The following DISP1 variants were observed in gnomAD, a reference collection of about 807,000 sequenced individuals.
DISP1 encodes dispatched RND transporter family member 1.
In DISP1, 30 loss-of-function variants were observed where a neutral mutation model predicts 37.3. The ratio of observed to expected loss-of-function variants is 0.80; its 90% CI spans 0.60 to 1.09. The LOEUF is 1.09. DISP1 is among the 50% of genes least tolerant of loss of function. The pLI is 0.00. For missense variants in DISP1, 1,598 were observed against 1,879.5 expected (o/e 0.85, Z 2.77); for synonymous variants, 634 against 690.2 (o/e 0.92, Z 1.28).
intron 1 of DISP1, among the ~76,000 whole-genome samples, chr1:222,848,744 A>C (rs1168577034): frequency 1.3e-5 from 2 of 152,194 alleles, no homozygotes; most frequent in Non-Finnish European, 2.9e-5. Context: ...ACAGACATAT[A>C]AATAAATAAA....
At chr1:222,890,048 A>T (rs944249707) in intron 1 of DISP1, among the ~76,000 whole-genome samples, 1 of 152,320 alleles carries the variant, frequency 6.6e-6, no homozygotes, top group Non-Finnish European at 1.5e-5. Context: ...TTTACAAGTG[A>T]TTTTTTAAAG....
At chr1:222,836,816 A>C (rs1667194455) in intron 1 of DISP1, 1 of 317,094 alleles carries the variant, frequency 3.2e-6, no homozygotes, top group Non-Finnish European at 5.7e-6. Context: ...GTGTGGAGAC[A>C]GTATTGGATC....
At chr1:222,829,693 C>G (rs533289624) in intron 1 of DISP1, among the ~76,000 whole-genome samples, 75 of 152,224 alleles carry the variant, frequency 4.9e-4, no homozygotes, top group Admixed American at 8.5e-4. Flanking sequence ...CCACCCACCT[C>G]AGCCTTCCAA....
rs1177850554 is a variant in DISP1, at chr1:223,002,991, A to G, written c.1594A>G (p.Met532Val). 4.3e-6 allele frequency: 7 copies of G among 1,613,874 alleles called. No individual in the cohort carries two copies. The Admixed American group carries it at 5.0e-5, about 12-fold the overall frequency. Residue 532 changes from methionine to valine, a missense_variant, in exon 9 of 9, where the codon ATG becomes GTG. Physicochemically the swap from Met to Val is conservative, Grantham distance 21 (BLOSUM62 1). Transcript: ENST00000675850. ...TKSMFITLMTMFAIISSLIVS... is the reference protein window; with the variant it reads ...TKSMFITLMTVFAIISSLIVS... ...GTCCATGTTTATCACTCTGATGACA[A>G]TGTTTGCAATAATCAGTTCTTTGAT...
intron 1 of DISP1, among the ~76,000 whole-genome samples, chr1:222,857,876 A>G (rs1344524538): frequency 6.6e-6 from 1 of 152,234 alleles, no homozygotes; most frequent in Non-Finnish European, 1.5e-5. Context: ...TATAGATTCA[A>G]TGCTATTCCC....
At chr1:222,938,309 GGTATT>G in intron 2 of DISP1, among the ~76,000 whole-genome samples, 1 of 152,088 alleles carries the variant, frequency 6.6e-6, no homozygotes. Flanking sequence ...CAAATGTAAG[GGTATT>G]AAGACTCTCA....
chr1:222,843,885 A>T (rs1188156779), intron 1 of DISP1, among the ~76,000 whole-genome samples: 1 of 152,144 alleles, frequency 6.6e-6, no homozygotes, highest in East Asian at 1.9e-4. Flanking sequence ...GAAAAAGTAG[A>T]TAAATCATGT....
At chr1:222,817,765 CA>C (rs1208795058) in intron 1 of DISP1, among the ~76,000 whole-genome samples, 2 of 152,168 alleles carry the variant, frequency 1.3e-5, no homozygotes, top group African/African-American at 4.8e-5. Flanking sequence ...CAGAGTGACT[CA>C]AAAGGGGATG....
rs1675740702 is a variant in DISP1, at chr1:222,957,934, T to C, written c.509+14602T>C. Among the ~76,000 whole-genome samples the C allele has an allele frequency of 2.0e-5, 3 of 152,244 alleles. No homozygotes were observed. The South Asian group carries it at 6.2e-4, about 32-fold the overall frequency. On this transcript the variant is annotated intron_variant, in intron 3 of 8. Transcript: ENST00000675850. ...TTGTTCCAGCTTAGATTTGTTCCAG[T>C]TTATAGGATTTTTGAGTTCATATGG...
chr1:222,995,265 G>A (rs1437818490), intron 8 of DISP1, among the ~76,000 whole-genome samples: 1 of 152,142 alleles, frequency 6.6e-6, no homozygotes, highest in Admixed American at 6.5e-5. Context: ...TTTCTTTTCA[G>A]TATAATATTT....
intron 3 of DISP1, 80 bp from the exon 4 acceptor site, chr1:222,983,000 T>C (rs1677948282): frequency 9.5e-7 from 1 of 1,055,736 alleles, no homozygotes; most frequent in Non-Finnish European, 1.4e-6. Flanking sequence ...GTTCAACACA[T>C]ATGTAAAGCC....
At chr1:222,966,601 T>C (rs1676510814) in intron 3 of DISP1, among the ~76,000 whole-genome samples, 1 of 152,192 alleles carries the variant, frequency 6.6e-6, no homozygotes, top group Non-Finnish European at 1.5e-5. Context: ...AAGGTGATCC[T>C]TTAGCCAAAA....
intron 1 of DISP1, among the ~76,000 whole-genome samples, chr1:222,902,320 T>C (rs370542693): frequency 6.6e-6 from 1 of 152,228 alleles, no homozygotes; most frequent in Non-Finnish European, 1.5e-5. Context: ...CTCTACACAC[T>C]GCTTTGAATG....
chr1:222,950,191 C>T (rs1409071931), intron 3 of DISP1, among the ~76,000 whole-genome samples: 1 of 152,052 alleles, frequency 6.6e-6, no homozygotes, highest in Non-Finnish European at 1.5e-5. Flanking sequence ...ACATGAATGG[C>T]CCTTGAAAGA....
intron 4 of DISP1, among the ~76,000 whole-genome samples, chr1:222,990,409 A>G (rs908024963): frequency 6.6e-6 from 1 of 152,262 alleles, no homozygotes; most frequent in African/African-American, 2.4e-5. Context: ...TGAGGGGACA[A>G]TGATCTTGTA....
At position 222,861,511 on chromosome 1, in the gene DISP1, G is replaced by T. The variant is rs114633348; in HGVS notation, c.-159+46433G>T. Among the ~76,000 whole-genome samples the T allele has an allele frequency of 6.0e-3, 920 of 152,194 alleles. 12 individuals are homozygous for T. The highest frequency in any genetic ancestry group is 0.021 in the African/African-American group (865 of 41,536). ...TAATGTTTAAGAACATGGCTTTTAG[G>T]TTAGACAAACCTGGGTTTGAATCCC... is the stretch of plus-strand genomic sequence containing the variant. On this transcript the variant is annotated intron_variant, in intron 1 of 8. Transcript: ENST00000675850.
chr1:222,819,537 TC>T (rs1405369812), intron 1 of DISP1, among the ~76,000 whole-genome samples: 44 of 120,880 alleles, frequency 3.6e-4, no homozygotes, highest in East Asian at 7.0e-4. Context: ...CACACACATA[TC>T]TTTTTTTTTT....
chr1:222,943,203 T>C lies in DISP1; in HGVS notation c.380T>C (p.Leu127Pro), dbSNP rs768411152. ...MQPHSEYSAS[L>P]CPNHSPVYQT... ...CCACACTCCGAGTATTCTGCATCTC[T>C]TTGTCCAAATCATTCACCTGTGTAT... Residue 127 changes from leucine to proline, a missense_variant, in exon 3 of 9, where the codon CTT (leucine) becomes CCT (proline). Physicochemically the swap from Leu to Pro is moderately conservative, Grantham distance 98 (BLOSUM62 -3). Coordinates refer to ENST00000675850, the MANE Select transcript of DISP1 (RefSeq NM_001377229.1). 2 of 1,609,898 alleles carry C rather than the reference T, an allele frequency of 1.2e-6. No homozygotes were observed. Among genetic ancestry groups the C allele is most frequent in the Admixed American group, 3.3e-5 (2 of 59,956 alleles).
chr1:222,926,113 A>C (rs1212882742), intron 1 of DISP1, among the ~76,000 whole-genome samples: 1 of 152,030 alleles, frequency 6.6e-6, no homozygotes, highest in South Asian at 2.1e-4. Context: ...CCCAGCAACC[A>C]CTAACCTACA....
Sources: gnomAD v4.1 joint callset for allele counts (sites outside exome capture counted in the v4.1 genomes callset) on GRCh38, gnomAD v4.1.1 for gene constraint, MANE v1.5 for transcripts, NCBI Gene and HGNC (gene_info 2026-07-23, HGNC 2026-07-21) for gene names.